The following BEND6 variants were observed in gnomAD, a reference collection of about 807,000 sequenced individuals.
The protein encoded by BEND6 is BEN domain containing 6, also known as BEN domain-containing protein 6.
In BEND6, 24 loss-of-function variants were observed where a neutral mutation model predicts 31.8. The observed-to-expected ratio is 0.75, with a 90% CI of 0.55 to 1.06. The LOEUF is 1.06. Among genes scored for constraint, BEND6 ranks in the 50% least tolerant of loss-of-function variants. BEND6 has a pLI of 0.00. For synonymous variants in BEND6, 109 were observed against 114.6 expected (o/e 0.95, Z 0.31); for missense variants, 294 against 327.4 (o/e 0.90, Z 0.79).
rs929738458 is a variant in BEND6 at position 57,022,171 on chromosome 6, T to C, written c.*9+3614T>C. ...TTTTCTTTTTTTCTTTTTCTTTTTT[T>C]TTTTTTTTTTTGAAGAATTAGAGCA... On this transcript the variant is annotated intron_variant, in intron 6 of 6. Coordinates refer to ENST00000370746, the MANE Select transcript of BEND6 (RefSeq NM_152731.3). 2.0e-5 allele frequency among the ~76,000 whole-genome samples: 3 copies of C among 150,016 alleles called. 1 individual carries two copies. Among genetic ancestry groups the C allele is most frequent in the Admixed American group, 2.0e-4 (3 of 15,120 alleles).
chr6:57,012,425 T>C (rs1753549407), intron 3 of BEND6, among the ~76,000 whole-genome samples: 1 of 152,190 alleles, frequency 6.6e-6, no homozygotes, highest in African/African-American at 2.4e-5. Flanking sequence ...CAAGGATTGA[T>C]TTAGACAGGA....
intron 3 of BEND6, among the ~76,000 whole-genome samples, chr6:57,011,345 A>G (rs1052477842): frequency 1.3e-5 from 2 of 152,218 alleles, no homozygotes; most frequent in Non-Finnish European, 1.5e-5. Context: ...TCTTAATGCT[A>G]TTATGCTCTC....
At chr6:57,005,438 G>T (rs563991844) in intron 3 of BEND6, among the ~76,000 whole-genome samples, 129 of 152,256 alleles carry the variant, frequency 8.5e-4, no homozygotes, top group African/African-American at 2.9e-3. Context: ...CACTTTGGGA[G>T]GCCAAGGCGG....
chr6:56,983,920 T>G (rs1191238419), intron 2 of BEND6, among the ~76,000 whole-genome samples: 3 of 152,142 alleles, frequency 2.0e-5, no homozygotes, highest in Admixed American at 1.3e-4. Flanking sequence ...TACATGTCCT[T>G]TTAAGAAACT....
chr6:56,979,408 G>A (rs987274786), intron 1 of BEND6, among the ~76,000 whole-genome samples: 3 of 152,000 alleles, frequency 2.0e-5, no homozygotes, highest in African/African-American at 7.2e-5. Context: ...ACTTTTAAAT[G>A]GTTAAAACGG....
At chr6:56,982,005 T>C in intron 2 of BEND6, 75 bp downstream of exon 2, 5 of 1,409,468 alleles carry the variant, frequency 3.5e-6, no homozygotes, top group Non-Finnish European at 4.8e-6. Context: ...TCATAATTTA[T>C]TAGTGCTTCT....
chr6:57,001,979 A>G (rs1324036349), intron 3 of BEND6, among the ~76,000 whole-genome samples: 1 of 152,222 alleles, frequency 6.6e-6, no homozygotes, highest in African/African-American at 2.4e-5. Flanking sequence ...TAGACCTCAT[A>G]TGTAATGACA....
chr6:56,987,001 A>ACTCTTGCT (rs1826304872), intron 2 of BEND6, among the ~76,000 whole-genome samples: 1 of 134,152 alleles, frequency 7.5e-6, no homozygotes, highest in African/African-American at 2.8e-5. Context: ...TTTGAGACAG[A>ACTCTTGCT]CTCTTGCTGT....
In BEND6 at chr6:57,004,111, T is replaced by A. The variant is rs1358252283; in HGVS notation, c.299-11022T>A. ...AACCAGAAGCATTGCTCTCGAGAAC[T>A]GGGACAAGACAAGGATGACCACTGT... On this transcript the variant is annotated intron_variant, in intron 3 of 6. Transcript: ENST00000370746. Among the ~76,000 whole-genome samples, 3 of 152,180 alleles carry A rather than the reference T, an allele frequency of 2.0e-5. No homozygotes were observed. In the East Asian group the frequency reaches 5.8e-4, roughly 29 times the overall value.
chr6:56,958,099 A>G (rs1255778920), intron 1 of BEND6, among the ~76,000 whole-genome samples: 2 of 152,176 alleles, frequency 1.3e-5, no homozygotes, highest in African/African-American at 2.4e-5. Flanking sequence ...CGGCATAAAC[A>G]CCAAAGGCAA....
chr6:57,006,384 T>C (rs182586782), intron 3 of BEND6, among the ~76,000 whole-genome samples: 1 of 152,336 alleles, frequency 6.6e-6, no homozygotes, highest in East Asian at 1.9e-4. Context: ...TAAAATTCTT[T>C]AGATGTTTTG....
intron 3 of BEND6, among the ~76,000 whole-genome samples, chr6:56,995,566 G>A (rs1413383971): frequency 2.0e-5 from 3 of 152,142 alleles, no homozygotes; most frequent in Non-Finnish European, 2.9e-5. Context: ...CCCCCTGCAG[G>A]TGCTAGGAAT....
intron 2 of BEND6, among the ~76,000 whole-genome samples, chr6:56,984,122 G>A (rs1186847514): frequency 6.6e-6 from 1 of 152,044 alleles, no homozygotes; most frequent in Non-Finnish European, 1.5e-5. Context: ...TTGGGAGGTT[G>A]AGGTGGGAGG....
At chr6:57,021,948 C>T (rs986371427) in intron 6 of BEND6, among the ~76,000 whole-genome samples, 10 of 152,124 alleles carry the variant, frequency 6.6e-5, no homozygotes, top group South Asian at 2.1e-4. Context: ...TTCTGGCATC[C>T]GGTGGTCAGA....
chr6:56,960,403 A>G (rs1351324958), intron 1 of BEND6, among the ~76,000 whole-genome samples: 1 of 152,344 alleles, frequency 6.6e-6, no homozygotes, highest in East Asian at 1.9e-4. Context: ...AACATTCTAC[A>G]TCTGAAACTT....
intron 3 of BEND6, among the ~76,000 whole-genome samples, chr6:57,011,732 A>AAG (rs1827353754): frequency 6.9e-6 from 1 of 144,360 alleles, no homozygotes; most frequent in Non-Finnish European, 1.5e-5. Context: ...AAAAAAAAAA[A>AAG]AAAGAAAAAA....
chr6:57,000,219 A>G (rs1425290967), intron 3 of BEND6, among the ~76,000 whole-genome samples: 1 of 152,356 alleles, frequency 6.6e-6, no homozygotes, highest in African/African-American at 2.4e-5. Context: ...AGTAGACATA[A>G]GAGACTCCAT....
intron 3 of BEND6, chr6:57,004,398 T>C: frequency 1.9e-6 from 1 of 528,242 alleles, no homozygotes; most frequent in Non-Finnish European, 3.5e-6. Context: ...TCAACAGTGC[T>C]TGGACAGAAC....
chr6:56,975,086 C>T (rs1825825841), intron 1 of BEND6, among the ~76,000 whole-genome samples: 1 of 152,044 alleles, frequency 6.6e-6, no homozygotes, highest in South Asian at 2.1e-4. Flanking sequence ...CATTGCATTC[C>T]AGCCTGGGCA....
Sources: allele counts gnomAD v4.1 joint callset (sites outside exome capture counted in the v4.1 genomes callset), GRCh38; gene constraint gnomAD v4.1.1; transcripts MANE v1.5; gene names NCBI Gene and HGNC (gene_info 2026-07-23, HGNC 2026-07-21).